COL6A3: variants seen among roughly 807,000 people sequenced by gnomAD.
The protein encoded by COL6A3 is collagen alpha-3(VI) chain.
Under a neutral mutation model 274.1 loss-of-function variants are expected in COL6A3, and 137 were observed. The observed-to-expected ratio is 0.50, with a 90% CI of 0.44 to 0.58. The LOEUF is 0.58. Ranked by LOEUF, COL6A3 falls within the 20% of genes least tolerant of loss-of-function variation. COL6A3 has a pLI of 0.00. For synonymous variants in COL6A3, 1,650 were observed against 1,650.6 expected, an observed-to-expected ratio of 1.00 and a Z score of 0.01; for missense variants, 3,950 against 4,124.9, an observed-to-expected ratio of 0.96 and a Z score of 1.16.
intron 4 of COL6A3, 99 bp from the exon 5 acceptor site, chr2:237,381,598 T>A: frequency 9.6e-7 from 1 of 1,038,552 alleles, no homozygotes; most frequent in African/African-American, 1.6e-5. Context: ...GACACCCTCA[T>A]TTACTGTGGC....
chr2:237,340,898 T>C lies in COL6A3; in HGVS notation c.8018A>G (p.Glu2673Gly), dbSNP rs2076973116. Residue 2673 changes from glutamate to glycine, a missense_variant, in exon 38 of 44, where the codon GAG (glutamate) becomes GGG (glycine). Physicochemically the swap from Glu to Gly is moderately conservative, Grantham distance 98. Coordinates refer to ENST00000295550, the MANE Select transcript of COL6A3 (RefSeq NM_004369.4). ...TGGCATGCTGGCATTGTCCACGGAC[T>C]CAGAGGGCGCGTGCTGCACAACTGC... The part of the protein sequence containing the change: ...RVAVVQHAPS[E>G]SVDNASMPPV... 4 of 1,613,432 alleles carry C rather than the reference T, an allele frequency of 2.5e-6. No homozygotes were observed. In the South Asian group the frequency reaches 4.4e-5, roughly 18 times the overall value.
chr2:237,380,094 G>T (rs2077963554), intron 5 of COL6A3, among the ~76,000 whole-genome samples: 1 of 152,036 alleles, frequency 6.6e-6, no homozygotes, highest in Non-Finnish European at 1.5e-5. Flanking sequence ...CTATGAAAGT[G>T]TGGATTAAAA....
Position 237,379,142 on chromosome 2 carries a change from T to C in COL6A3, c.1991A>G (p.Asn664Ser). 1 of 1,614,160 alleles carries C rather than the reference T, an allele frequency of 6.2e-7. No individual in the cohort carries two copies. The highest frequency in any genetic ancestry group is 8.5e-7 in the Non-Finnish European group (1 of 1,180,016). ...TCCAATATCAAGGCTGTTAACTAGG[T>C]TCATTACAAAGTCGCGCACATAAGG... ...NFPYVRDFVMNLVNSLDIGND... is the reference protein window; with the variant it reads ...NFPYVRDFVMSLVNSLDIGND... Residue 664 changes from asparagine to serine, a missense_variant, in exon 6 of 44, where the codon AAC (asparagine) becomes AGC (serine). This residue lies in a region of COL6A3 where 1,934 missense variants were observed against 1,984.3 expected (regional missense o/e 0.97). Transcript: ENST00000295550.
intron 3 of COL6A3, 25 bp downstream of exon 3, chr2:237,394,562 C>T (rs752557429): frequency 3.1e-6 from 5 of 1,613,222 alleles, no homozygotes; most frequent in South Asian, 2.2e-5. Context: ...CAGGGCAGGG[C>T]GTAGCTTGGT....
At chr2:237,348,876 G>A (rs1041489895) in intron 28 of COL6A3, among the ~76,000 whole-genome samples, 1 of 152,160 alleles carries the variant, frequency 6.6e-6, no homozygotes, top group Admixed American at 6.5e-5. Context: ...AAGGACTCCC[G>A]TAGCAAAATG....
At chr2:237,405,597 A>T (rs536461230) in intron 1 of COL6A3, among the ~76,000 whole-genome samples, 1 of 152,152 alleles carries the variant, frequency 6.6e-6, no homozygotes, top group South Asian at 2.1e-4. Context: ...CAACCATCCG[A>T]TGGCTGATTT....
chr2:237,381,723 T>C lies in COL6A3; in HGVS notation c.1313-224A>G, dbSNP rs141953960. Among the ~76,000 whole-genome samples, 274 of 152,348 alleles carry C rather than the reference T, an allele frequency of 1.8e-3. 1 individual carries two copies. The East Asian group carries it at 0.021, about 12-fold the overall frequency. On this transcript the variant is annotated intron_variant, in intron 4 of 43. Transcript: ENST00000295550. Reference sequence around the variant, plus strand: ...CTCACCTTCCACCCTGCCCAGTCAGTACTTTTTACAAAATAGTTGCACAAA... The same window carrying C: ...CTCACCTTCCACCCTGCCCAGTCAGCACTTTTTACAAAATAGTTGCACAAA...
chr2:237,341,271 A>C, intron 37 of COL6A3, 121 bp from the exon 38 acceptor site: 1 of 1,018,148 alleles, frequency 9.8e-7, no homozygotes. Flanking sequence ...GCGGGCCGGA[A>C]GCGGTGGCTC....
chr2:237,334,907 G>A lies in COL6A3; in HGVS notation c.8966-18C>T. 1.2e-6 allele frequency: 2 copies of A among 1,613,958 alleles called. No individual in the cohort carries two copies. Among genetic ancestry groups the A allele is most frequent in the Non-Finnish European group, 1.7e-6 (2 of 1,179,968 alleles). The stretch of plus-strand genomic sequence containing the variant: ...CATCTTAACTGAAAGATAGATCAGA[G>A]CGTGAAGATAAAAAATAAAATCCTC... On this transcript the variant is annotated intron_variant, in intron 40 of 43. Transcript: ENST00000295550.
intron 1 of COL6A3, among the ~76,000 whole-genome samples, chr2:237,404,129 G>T (rs1366135929): frequency 1.3e-5 from 2 of 151,974 alleles, no homozygotes; most frequent in African/African-American, 4.8e-5. Flanking sequence ...TAAGCTTCCT[G>T]CTAGATTCTT....
At chr2:237,352,179 C>T (rs114571481) in intron 26 of COL6A3, among the ~76,000 whole-genome samples, 4,191 of 152,264 alleles carry the variant, frequency 0.028, 92 homozygotes, top group Non-Finnish European at 0.039. Flanking sequence ...TCTCCAGGGA[C>T]CAAAGGGGAA....
chr2:237,344,841 G>T lies in COL6A3; in HGVS notation c.7177C>A (p.Pro2393Thr). The T allele has an allele frequency of 6.2e-7, 1 of 1,613,334 alleles. No individual in the cohort carries two copies. The highest frequency in any genetic ancestry group is 1.1e-5 in the South Asian group (1 of 91,078). The change falls in exon 36 of 44, where the codon CCC becomes ACC. Residue 2393 changes from proline (P) to threonine (T), a missense_variant and splice_region_variant. Transcript: ENST00000295550. The surrounding 1 kb of genome is among the most constrained non-coding windows in gnomAD (Gnocchi z 4.8). ...GTTGGGAAGACGGGGCACTCCAGGGGCCCTGTGGAAAGTAGAGGGTGGAGG... is the reference window on the plus strand; with the variant it reads ...GTTGGGAAGACGGGGCACTCCAGGGTCCCTGTGGAAAGTAGAGGGTGGAGG... ...IKDKCPCCYG[P>T]LECPVFPTEL...
intron 26 of COL6A3, 67 bp from the exon 27 acceptor site, chr2:237,351,259 C>A (rs773411950): frequency 3.1e-5 from 45 of 1,469,284 alleles, no homozygotes; most frequent in Admixed American, 8.4e-5. Flanking sequence ...GTCTCTGAAA[C>A]CTGACTCTCC....
At position 237,371,480 on chromosome 2, in the gene COL6A3, C is replaced by A. The variant is rs139559447; in HGVS notation, c.4285+252G>T. ...GGGCGTGGTGGTATGAACCTGTAGT[C>A]CTAGCTACTGAGGAGGCTGAAGTGG... On this transcript the variant is annotated intron_variant, in intron 9 of 43. Coordinates refer to ENST00000295550, the MANE Select transcript of COL6A3 (RefSeq NM_004369.4). The surrounding 1 kb of genome is among the most constrained non-coding windows in gnomAD (Gnocchi z 4.3). 1 of 646,730 alleles carries A rather than the reference C, an allele frequency of 1.5e-6. No homozygotes were observed. The highest frequency in any genetic ancestry group is 1.8e-5 in the African/African-American group (1 of 54,552). The allele number at this position is 646,730 out of a possible 1,614,324, so 40.1% of individuals were successfully genotyped here.
intron 6 of COL6A3, 40 bp from the exon 7 acceptor site, chr2:237,377,384 G>C: frequency 6.3e-7 from 1 of 1,589,380 alleles, no homozygotes; most frequent in Non-Finnish European, 8.5e-7. Flanking sequence ...AGGGACGAGA[G>C]CATAACAGGA....
At chr2:237,359,947 G>T in intron 17 of COL6A3, 141 bp downstream of exon 17, 1 of 832,044 alleles carries the variant, frequency 1.2e-6, no homozygotes, top group Non-Finnish European at 2.0e-6. Context: ...GCTCAGAACT[G>T]CCTTCCAATG....
rs114763620 is a variant in COL6A3, at chr2:237,402,856, C to T, written c.-30-6009G>A. Among the ~76,000 whole-genome samples, 862 of 152,304 alleles carry T rather than the reference C, an allele frequency of 5.7e-3. 4 individuals carry two copies. The highest frequency in any genetic ancestry group is 0.02 in the African/African-American group (826 of 41,584). ...ATCTTCCTCTCTCCACAGGTGCCCC[C>T]ATGGGCTCTGCAAGTCTTCATGGTT... is the stretch of plus-strand genomic sequence containing the variant. On this transcript the variant is annotated intron_variant, in intron 1 of 43. Coordinates refer to ENST00000295550, the MANE Select transcript of COL6A3 (RefSeq NM_004369.4).
chr2:237,394,631 C>T lies in COL6A3; in HGVS notation c.665G>A (p.Ser222Asn), dbSNP rs759483797. 3.1e-6 allele frequency: 5 copies of T among 1,614,170 alleles called. No individual in the cohort carries two copies. The highest frequency in any genetic ancestry group is 3.4e-6 in the Non-Finnish European group (4 of 1,180,026). The change falls in exon 3 of 44, where the codon AGT becomes AAT. Residue 222 changes from serine to asparagine, a missense_variant. Coordinates refer to ENST00000295550, the MANE Select transcript of COL6A3 (RefSeq NM_004369.4). The part of the protein sequence containing the change: ...NLVSCVHSSV[S>N]PERAGDTETL... ...TTCCGTGTCCCCAGCCCTTTCTGGA[C>T]TCACGGATGAATGCACACAGGACAC...
intron 24 of COL6A3, 32 bp from the exon 25 acceptor site, chr2:237,353,435 C>T (rs762541304): frequency 1.9e-6 from 3 of 1,594,992 alleles, no homozygotes; most frequent in Admixed American, 3.3e-5. Context: ...AGGGAGGAGT[C>T]AGGATGGTTC....
Sources: gnomAD v4.1 joint callset for allele counts (sites outside exome capture counted in the v4.1 genomes callset) on GRCh38, gnomAD v4.1.1 for gene constraint, gnomAD v4.1.1 regional missense constraint, Gnocchi (gnomAD v3.1) non-coding constraint, MANE v1.5 for transcripts, NCBI Gene and HGNC (gene_info 2026-07-23, HGNC 2026-07-21) for gene names.